The following GPD1L variants were observed in gnomAD, a reference collection of about 807,000 sequenced individuals.
The protein encoded by GPD1L is glycerol-3-phosphate dehydrogenase 1 like.
Under a neutral mutation model 32.9 loss-of-function variants are expected in GPD1L, and 17 were observed. The observed-to-expected ratio is 0.52, with a 90% CI of 0.35 to 0.78. The LOEUF (loss-of-function observed/expected upper bound fraction) is 0.78. Among genes scored for constraint, GPD1L ranks in the 30% least tolerant of loss-of-function variants. GPD1L has a pLI of 0.01. For missense variants in GPD1L, 361 were observed against 447.8 expected (o/e 0.81, Z 1.75); for synonymous variants, 187 against 165.9 (o/e 1.13, Z -0.98).
At chr3:32,126,379 C>T (rs1029386825) in intron 1 of GPD1L, among the ~76,000 whole-genome samples, 1 of 152,082 alleles carries the variant, frequency 6.6e-6, no homozygotes, top group Admixed American at 6.5e-5. Flanking sequence ...TATTTTTCCA[C>T]TTGGTTTACT....
At chr3:32,135,982 C>T (rs1040430988) in intron 2 of GPD1L, among the ~76,000 whole-genome samples, 9 of 152,136 alleles carry the variant, frequency 5.9e-5, no homozygotes, top group Non-Finnish European at 1.0e-4. Flanking sequence ...AAGTGCTGAG[C>T]TTTGGGTTTT....
chr3:32,155,440 T>A (rs912808401), intron 5 of GPD1L, among the ~76,000 whole-genome samples: 12 of 152,120 alleles, frequency 7.9e-5, no homozygotes, highest in Non-Finnish European at 1.3e-4. Context: ...AAGTCCATGT[T>A]CTCTCCCATT....
At chr3:32,153,159 C>T (rs749163860) in intron 5 of GPD1L, among the ~76,000 whole-genome samples, 3 of 152,114 alleles carry the variant, frequency 2.0e-5, no homozygotes, top group Admixed American at 6.5e-5. Context: ...TAGGTTTGCT[C>T]CAGGGCTTTG....
Position 32,106,833 on chromosome 3 carries a change from C to T in GPD1L, c.47+75C>T. ...CTCCCGGGCGGTGAGGGCTGCGCGC[C>T]CCATGCTGCGGCGTGGGCACCGGGC... On this transcript the variant is annotated intron_variant, in intron 1 of 7. Transcript: ENST00000282541. This position sits in a 1 kb window ranked among gnomAD's most constrained non-coding sequence, Gnocchi z 4.0. 1 of 1,394,474 alleles carries T rather than the reference C, an allele frequency of 7.2e-7. No homozygotes were observed. Among genetic ancestry groups the T allele is most frequent in the Non-Finnish European group, 9.6e-7 (1 of 1,042,694 alleles). The allele number at this position is 1,394,474 out of a possible 1,614,324, so 86.4% of individuals were successfully genotyped here.
intron 5 of GPD1L, among the ~76,000 whole-genome samples, chr3:32,147,368 T>C (rs913497448): frequency 1.3e-5 from 2 of 152,242 alleles, no homozygotes; most frequent in Admixed American, 1.3e-4. Context: ...TAAGAGGTAC[T>C]TCATACAGAA....
At chr3:32,161,273 A>G (rs1013333336) in intron 7 of GPD1L, among the ~76,000 whole-genome samples, 1 of 152,074 alleles carries the variant, frequency 6.6e-6, no homozygotes, top group African/African-American at 2.4e-5. Context: ...TTAAATTTGC[A>G]CTTTATTTTT....
intron 1 of GPD1L, among the ~76,000 whole-genome samples, chr3:32,115,359 A>C (rs1329616976): frequency 3.9e-5 from 6 of 152,200 alleles, no homozygotes; most frequent in Admixed American, 3.9e-4. Context: ...GCATTTTTAC[A>C]GAGTGCTGAT....
intron 4 of GPD1L, among the ~76,000 whole-genome samples, chr3:32,142,090 C>T (rs1700751930): frequency 6.6e-6 from 1 of 151,738 alleles, no homozygotes; most frequent in African/African-American, 2.4e-5. Flanking sequence ...ATAATGGCTT[C>T]CAGCTGCATC....
chr3:32,141,920 C>T (rs1229559003), intron 4 of GPD1L, among the ~76,000 whole-genome samples: 1 of 152,154 alleles, frequency 6.6e-6, no homozygotes, highest in East Asian at 1.9e-4. Context: ...TAGTACCCCA[C>T]AGGTAGTTTT....
chr3:32,158,397 C>T (rs1290911868), intron 5 of GPD1L: 3 of 199,960 alleles, frequency 1.5e-5, no homozygotes, highest in East Asian at 1.3e-4. Context: ...AAGGGGTTCT[C>T]GGGAGCTTCC....
At chr3:32,146,475 T>C (rs1700827912) in intron 4 of GPD1L, 147 bp from the exon 5 acceptor site, 1 of 652,716 alleles carries the variant, frequency 1.5e-6, no homozygotes, top group African/African-American at 1.8e-5. Context: ...TATTTTTACT[T>C]TATTTCTGCT....
intron 4 of GPD1L, among the ~76,000 whole-genome samples, chr3:32,146,083 CTTTTTT>C (rs59106750): frequency 0.058 from 7,354 of 126,152 alleles, 530 homozygotes; most frequent in East Asian, 0.46. Context: ...ATGCTTTTTT[CTTTTTT>C]TTTTTTTTTT....
In GPD1L at chr3:32,125,184, C is replaced by A. The variant is rs116832151; in HGVS notation, c.48-2892C>A. Among the ~76,000 whole-genome samples, 902 of 152,300 alleles carry A rather than the reference C, an allele frequency of 5.9e-3. 6 individuals are homozygous for A. Among genetic ancestry groups the A allele is most frequent in the African/African-American group, 0.02 (852 of 41,562 alleles). On this transcript the variant is annotated intron_variant, in intron 1 of 7. Transcript: ENST00000282541. Reference sequence around the variant, plus strand: ...GCCCCCAATCCCTCCCACCACATTGCCAATCCCTGGGTGGCAAATCCAACA... The same window carrying A: ...GCCCCCAATCCCTCCCACCACATTGACAATCCCTGGGTGGCAAATCCAACA...
intron 1 of GPD1L, among the ~76,000 whole-genome samples, chr3:32,116,688 A>T (rs1219226637): frequency 6.6e-6 from 1 of 152,166 alleles, no homozygotes. Context: ...TAAATTTACT[A>T]CTACTTGGAC....
intron 4 of GPD1L, among the ~76,000 whole-genome samples, chr3:32,142,406 C>T (rs149732835): frequency 2.6e-5 from 4 of 152,142 alleles, no homozygotes; most frequent in Non-Finnish European, 4.4e-5. Flanking sequence ...TGTGAGCCAC[C>T]GCGCCCGGCT....
intron 1 of GPD1L, among the ~76,000 whole-genome samples, chr3:32,123,711 T>C (rs546444563): frequency 1.4e-4 from 21 of 151,496 alleles, no homozygotes; most frequent in Admixed American, 1.3e-3. Flanking sequence ...GACAGACAGA[T>C]AGATAGATAG....
intron 2 of GPD1L, among the ~76,000 whole-genome samples, chr3:32,134,821 G>A (rs1294720203): frequency 1.3e-5 from 2 of 152,168 alleles, no homozygotes; most frequent in Admixed American, 6.5e-5. Context: ...ATGGGAATAG[G>A]CCGATTTCTT....
At chr3:32,126,943 C>G (rs1700516443) in intron 1 of GPD1L, among the ~76,000 whole-genome samples, 1 of 152,132 alleles carries the variant, frequency 6.6e-6, no homozygotes, top group South Asian at 2.1e-4. Flanking sequence ...TTCAGTTTAT[C>G]CCTTCTATGT....
At chr3:32,131,924 G>A (rs1020485305) in intron 2 of GPD1L, among the ~76,000 whole-genome samples, 7 of 152,126 alleles carry the variant, frequency 4.6e-5, no homozygotes, top group Admixed American at 3.3e-4. Flanking sequence ...TTTAATCCTA[G>A]CGAGTATCTC....
Sources: gnomAD v4.1 joint callset for allele counts (sites outside exome capture counted in the v4.1 genomes callset) on GRCh38, gnomAD v4.1.1 for gene constraint, Gnocchi (gnomAD v3.1) non-coding constraint, MANE v1.5 for transcripts, NCBI Gene and HGNC (gene_info 2026-07-23, HGNC 2026-07-21) for gene names.